Variants in SEMA3A observed in about 807,000 individuals in gnomAD.
SEMA3A encodes the protein semaphorin-3A.
Under a neutral mutation model 97.9 loss-of-function variants are expected in SEMA3A, and 29 were observed. That is an observed-to-expected ratio of 0.30 (90% confidence interval 0.22 to 0.40). The LOEUF is 0.40. Among genes scored for constraint, SEMA3A ranks in the 10% least tolerant of loss-of-function variants. The pLI, the probability that SEMA3A is intolerant of heterozygous loss-of-function variation, is 1.00. For synonymous variants in SEMA3A, 321 were observed against 323.7 expected (o/e 0.99, Z 0.09); for missense variants, 763 against 951.3 (o/e 0.80, Z 2.60).
chr7:84,265,872 T>C (rs941721272), intron 3 of SEMA3A, among the ~76,000 whole-genome samples: 1 of 152,094 alleles, frequency 6.6e-6, no homozygotes, highest in Non-Finnish European at 1.5e-5. Flanking sequence ...GTAACTGATA[T>C]ATTGGCTACT....
chr7:84,091,723 G>T (rs1316375643), intron 4 of SEMA3A, among the ~76,000 whole-genome samples: 1 of 152,146 alleles, frequency 6.6e-6, no homozygotes, highest in African/African-American at 2.4e-5. Context: ...AATTTTTAGA[G>T]ACTATCTTCA....
At chr7:84,122,711 C>T (rs1795664992) in intron 3 of SEMA3A, among the ~76,000 whole-genome samples, 1 of 152,098 alleles carries the variant, frequency 6.6e-6, no homozygotes, top group African/African-American at 2.4e-5. Context: ...TTGACATAGG[C>T]ATTTTGGAAT....
At chr7:84,297,757 A>G (rs995666367) in intron 3 of SEMA3A, among the ~76,000 whole-genome samples, 3 of 152,138 alleles carry the variant, frequency 2.0e-5, no homozygotes, top group African/African-American at 7.2e-5. Context: ...GCAAATTCCC[A>G]GTGACTGTGG....
intron 3 of SEMA3A, among the ~76,000 whole-genome samples, chr7:84,250,030 C>T (rs1286134902): frequency 1.3e-5 from 2 of 151,306 alleles, no homozygotes; most frequent in Non-Finnish European, 2.9e-5. Flanking sequence ...GATTTCTTTC[C>T]TCTCTAATCC....
chr7:84,352,936 T>C (rs1802470134), intron 2 of SEMA3A, among the ~76,000 whole-genome samples: 1 of 151,788 alleles, frequency 6.6e-6, no homozygotes. Context: ...AAGATAAGTA[T>C]CAAATTAATC....
chr7:84,184,496 C>T (rs11972980), intron 1 of SEMA3A, among the ~76,000 whole-genome samples: 41 of 151,950 alleles, frequency 2.7e-4, no homozygotes, highest in African/African-American at 9.2e-4. Flanking sequence ...TATCCCAAAA[C>T]GAGAATTAAC....
chr7:84,057,931 G>C (rs1793060436), intron 5 of SEMA3A, among the ~76,000 whole-genome samples: 1 of 152,072 alleles, frequency 6.6e-6, no homozygotes, highest in Non-Finnish European at 1.5e-5. Flanking sequence ...TTGCTCAAGA[G>C]AGAATCCATA....
chr7:84,064,589 T>C (rs1302205993), intron 4 of SEMA3A, among the ~76,000 whole-genome samples: 1 of 150,578 alleles, frequency 6.6e-6, no homozygotes. Flanking sequence ...ACCAAGCAAA[T>C]GGAAAACAAA....
intron 1 of SEMA3A, among the ~76,000 whole-genome samples, chr7:84,151,155 A>C (rs1012715353): frequency 4.6e-5 from 7 of 151,732 alleles, no homozygotes; most frequent in African/African-American, 1.4e-4. Flanking sequence ...CAGAACAGAA[A>C]AACTGGAAAC....
At chr7:84,209,146 G>T (rs1798565669) in intron 3 of SEMA3A, among the ~76,000 whole-genome samples, 1 of 152,120 alleles carries the variant, frequency 6.6e-6, no homozygotes, top group South Asian at 2.1e-4. Flanking sequence ...TACCTGCATA[G>T]AATCTGGAAT....
chr7:83,963,164 T>G, intron 16 of SEMA3A, 41 bp downstream of exon 16: 1 of 1,599,740 alleles, frequency 6.3e-7, no homozygotes, highest in Non-Finnish European at 8.5e-7. Flanking sequence ...TTTAACAGTG[T>G]ATCTTAGATA....
chr7:84,044,655 G>A (rs1277145573), intron 6 of SEMA3A, among the ~76,000 whole-genome samples: 1 of 151,942 alleles, frequency 6.6e-6, no homozygotes, highest in Non-Finnish European at 1.5e-5. Context: ...TAATTTCATG[G>A]AAGTAATTAT....
intron 2 of SEMA3A, among the ~76,000 whole-genome samples, chr7:84,313,405 T>TATATATATATATATATAA (rs1454447733): frequency 9.3e-6 from 1 of 107,122 alleles, no homozygotes. Context: ...TATATATATA[T>TATATATATATATATATAA]AAACTATACG....
chr7:84,007,771 T>C (rs1377763664), intron 9 of SEMA3A, among the ~76,000 whole-genome samples: 1 of 152,106 alleles, frequency 6.6e-6, no homozygotes, highest in Non-Finnish European at 1.5e-5. Flanking sequence ...GAGTACTAAG[T>C]TTTGATAGGA....
At chr7:84,099,172 G>C (rs1272834724) in intron 4 of SEMA3A, among the ~76,000 whole-genome samples, 1 of 70,010 alleles carries the variant, frequency 1.4e-5, no homozygotes, top group African/African-American at 3.4e-5. Context: ...CCGGGTTCAC[G>C]CCATTCTCCT....
intron 6 of SEMA3A, among the ~76,000 whole-genome samples, chr7:84,039,200 G>A (rs544675860): frequency 2.0e-5 from 3 of 152,190 alleles, no homozygotes; most frequent in South Asian, 4.1e-4. Context: ...ACTGTCTCAT[G>A]CATTCTCAGA....
At chr7:84,474,369 T>A (rs1372042705) in intron 1 of SEMA3A, among the ~76,000 whole-genome samples, 1 of 152,240 alleles carries the variant, frequency 6.6e-6, no homozygotes, top group Non-Finnish European at 1.5e-5. Flanking sequence ...GGAAAATTAC[T>A]GTATGAGAAA....
At chr7:84,067,436 C>T (rs1350534097) in intron 4 of SEMA3A, among the ~76,000 whole-genome samples, 1 of 151,926 alleles carries the variant, frequency 6.6e-6, no homozygotes, top group African/African-American at 2.4e-5. Flanking sequence ...TCTAATTAAA[C>T]TAAAGAGCTT....
intron 1 of SEMA3A, among the ~76,000 whole-genome samples, chr7:84,157,379 A>G (rs1796875763): frequency 1.3e-5 from 2 of 152,118 alleles, no homozygotes; most frequent in African/African-American, 4.8e-5. Flanking sequence ...GCATCTCAAA[A>G]GCCTTGAGTT....
Sources: allele counts gnomAD v4.1 joint callset (sites outside exome capture counted in the v4.1 genomes callset), GRCh38; gene constraint gnomAD v4.1.1; transcripts MANE v1.5; gene names NCBI Gene and HGNC (gene_info 2026-07-23, HGNC 2026-07-21).